The following TTC6 variants were observed in gnomAD, a reference collection of about 807,000 sequenced individuals.
The protein encoded by TTC6 is tetratricopeptide repeat domain 6.
Under a neutral mutation model 210.4 loss-of-function variants are expected in TTC6, and 172 were observed. The ratio of observed to expected loss-of-function variants is 0.82; its 90% CI spans 0.72 to 0.93. The LOEUF is 0.93. Ranked by LOEUF, TTC6 falls within the 40% of genes least tolerant of loss-of-function variation. TTC6 has a pLI of 0.00. For missense variants in TTC6, 2,414 were observed against 2,318.1 expected, an observed-to-expected ratio of 1.04 and a Z score of -0.85; for synonymous variants, 804 against 819.6, an observed-to-expected ratio of 0.98 and a Z score of 0.32.
chr14:37,634,454 G>GA (rs1053812839), intron 1 of TTC6, among the ~76,000 whole-genome samples: 3 of 151,864 alleles, frequency 2.0e-5, no homozygotes, highest in East Asian at 1.9e-4. Flanking sequence ...TAGACTGAGG[G>GA]AAAAAAAATG....
chr14:37,646,162 G>T (rs1037932097), intron 1 of TTC6, among the ~76,000 whole-genome samples: 27 of 152,272 alleles, frequency 1.8e-4, no homozygotes, highest in African/African-American at 5.3e-4. Flanking sequence ...CAGACCAGGC[G>T]TATGTGTACA....
At chr14:37,618,370 G>A (rs146619349), upstream of TTC6, among the ~76,000 whole-genome samples, 779 of 152,306 alleles carry the variant, frequency 5.1e-3, 5 homozygotes, top group African/African-American at 0.018. Flanking sequence ...AAAGGAAAAG[G>A]CATAGACAGA....
Position 37,738,771 on chromosome 14 carries a change from C to A in TTC6, c.1984-5C>A. 6.8e-7 allele frequency: 1 copy of A among 1,463,798 alleles called. No individual in the cohort carries two copies. 90.7% of individuals were successfully genotyped at this position (1,463,798 alleles called of 1,614,324 possible). ...TTTTTTCTACCTCTTTGCTTGCTTA[C>A]TAAGCGAGTAAAATCTTCTGTAGAC... is the stretch of plus-strand genomic sequence containing the variant. On this transcript the variant is annotated splice_region_variant and splice_polypyrimidine_tract_variant and intron_variant, in intron 9 of 30. Transcript: ENST00000553443.
chr14:37,714,347 T>A (rs2095849122), intron 5 of TTC6, among the ~76,000 whole-genome samples: 1 of 150,646 alleles, frequency 6.6e-6, no homozygotes, highest in Non-Finnish European at 1.5e-5. Context: ...AGGTGAGAGA[T>A]CAGAAGGTAA....
At chr14:37,691,232 A>AG (rs1487264219) in intron 3 of TTC6, among the ~76,000 whole-genome samples, 2 of 152,128 alleles carry the variant, frequency 1.3e-5, no homozygotes, top group African/African-American at 4.8e-5. Context: ...CGGGAGGCTG[A>AG]GGCATGAGAA....
At chr14:37,683,021 G>C (rs569368374) in intron 3 of TTC6, 57 bp downstream of exon 5, 2 of 1,492,334 alleles carry the variant, frequency 1.3e-6, no homozygotes, top group East Asian at 2.5e-5. Context: ...AGGATGTGCA[G>C]GTGTGAAGAA....
rs1200884076 is a variant in TTC6 at position 37,626,544 on chromosome 14, A to G, written c.939+3541A>G. Among the ~76,000 whole-genome samples the G allele has an allele frequency of 7.9e-5, 12 of 152,198 alleles. 1 individual carries two copies. Among genetic ancestry groups the G allele is most frequent in the Admixed American group, 7.9e-4 (12 of 15,278 alleles). On this transcript the variant is annotated intron_variant, in intron 1 of 30. Transcript: ENST00000553443. ...TTCTTCCTGCTAAGTAAAACTAACT[A>G]TAAACCCTGAACATTATATATAAAA...
At chr14:37,772,678 G>C (rs1205337960) in intron 14 of TTC6, 5 of 156,876 alleles carry the variant, frequency 3.2e-5, no homozygotes, top group Non-Finnish European at 6.9e-5. Flanking sequence ...CACGGTGCGC[G>C]CACCCACTGA....
At chr14:37,700,164 A>C (rs2095822176) in intron 4 of TTC6, among the ~76,000 whole-genome samples, 1 of 152,158 alleles carries the variant, frequency 6.6e-6, no homozygotes, top group African/African-American at 2.4e-5. Flanking sequence ...TATAAGCTTT[A>C]GTAGGAAGGT....
At chr14:37,622,382 G>A (rs977512302) in exon 1 of TTC6, 2 of 1,531,452 alleles carry the variant, frequency 1.3e-6, no homozygotes, top group Admixed American at 2.0e-5. Flanking sequence ...TGGGTGAGGC[G>A]GCGGCTCCAG....
chr14:37,617,871 A>T (rs1383525774), upstream of TTC6, among the ~76,000 whole-genome samples: 1 of 152,218 alleles, frequency 6.6e-6, no homozygotes, highest in African/African-American at 2.4e-5. Flanking sequence ...ATATTTGATT[A>T]TGGACCTAGG....
intron 14 of TTC6, among the ~76,000 whole-genome samples, chr14:37,780,367 T>G (rs796662130): frequency 4.6e-5 from 7 of 152,264 alleles, no homozygotes; most frequent in African/African-American, 1.7e-4. Context: ...AAGCCCAGTA[T>G]CCATTAGCGA....
chr14:37,712,569 G>C (rs1040824729), intron 5 of TTC6, among the ~76,000 whole-genome samples: 1 of 152,146 alleles, frequency 6.6e-6, no homozygotes, highest in Non-Finnish European at 1.5e-5. Context: ...TCACAGTTCT[G>C]CAGGGCTGAT....
intron 20 of TTC6, among the ~76,000 whole-genome samples, chr14:37,800,760 T>C (rs1260509233): frequency 6.6e-6 from 1 of 152,194 alleles, no homozygotes; most frequent in African/African-American, 2.4e-5. Flanking sequence ...AGTGAATCCC[T>C]GTGAAATCCA....
At chr14:37,787,305 G>T (rs1485666762) in intron 14 of TTC6, among the ~76,000 whole-genome samples, 163 bp from the exon 17 acceptor site, 1 of 152,120 alleles carries the variant, frequency 6.6e-6, no homozygotes, top group African/African-American at 2.4e-5. Flanking sequence ...TTTATAAAAA[G>T]TTTGTATCAT....
intron 3 of TTC6, among the ~76,000 whole-genome samples, chr14:37,688,184 G>A (rs900819616): frequency 2.9e-4 from 44 of 152,286 alleles, no homozygotes; most frequent in African/African-American, 9.6e-4. Flanking sequence ...CTGAGATGGC[G>A]GTGGCCACAG....
At chr14:37,788,595 G>A (rs2096072907) in intron 15 of TTC6, among the ~76,000 whole-genome samples, 1 of 152,132 alleles carries the variant, frequency 6.6e-6, no homozygotes, top group Admixed American at 6.6e-5. Flanking sequence ...GGGGACTGAG[G>A]ATTTCTGTCT....
chr14:37,825,991 A>G (rs1037310263), intron 27 of TTC6, among the ~76,000 whole-genome samples: 1 of 152,104 alleles, frequency 6.6e-6, no homozygotes, highest in Non-Finnish European at 1.5e-5. Flanking sequence ...TTAAAATTTC[A>G]TCATAAATAC....
chr14:37,652,893 C>T (rs1566865808), intron 1 of TTC6, among the ~76,000 whole-genome samples: 3 of 152,148 alleles, frequency 2.0e-5, no homozygotes, highest in Non-Finnish European at 4.4e-5. Context: ...AGGTAGATGC[C>T]ACAGGTAACA....
Sources: gnomAD v4.1 joint callset for allele counts (sites outside exome capture counted in the v4.1 genomes callset) on GRCh38, gnomAD v4.1.1 for gene constraint, MANE v1.5 for transcripts, NCBI Gene and HGNC (gene_info 2026-07-23, HGNC 2026-07-21) for gene names.